SHPRH: variants seen among roughly 807,000 people sequenced by gnomAD.
SHPRH encodes SNF2 histone linker PHD RING helicase, also known as E3 ubiquitin-protein ligase SHPRH.
In SHPRH, 106 loss-of-function variants were observed where a neutral mutation model predicts 202.5. That is an observed-to-expected ratio of 0.52 (90% CI 0.45 to 0.62). SHPRH has a LOEUF of 0.62. SHPRH is among the 20% of genes least tolerant of loss of function. The probability of loss-of-function intolerance (pLI) is 0.00; values close to 1 mark genes in which losing one functional copy is unlikely to be tolerated. For synonymous variants in SHPRH, 729 were observed against 686.0 expected (o/e 1.06, Z -0.98); for missense variants, 1,710 against 2,020.0 (o/e 0.85, Z 2.94).
At position 145,921,316 on chromosome 6, in the gene SHPRH, T is replaced by C. The variant is rs1784410841; in HGVS notation, c.3859A>G (p.Thr1287Ala). The change falls in exon 21 of 30, where the codon ACC (threonine) becomes GCC (alanine). Residue 1287 changes from threonine to alanine, a missense_variant. Physicochemically the swap from Thr to Ala is moderately conservative, Grantham distance 58 (BLOSUM62 0). Around this residue, in one of 8 missense-constraint regions of SHPRH, gnomAD observed 306 missense variants for 479.5 expected, o/e 0.64. Coordinates refer to ENST00000275233, the MANE Select transcript of SHPRH (RefSeq NM_001042683.3). The stretch of plus-strand genomic sequence containing the variant: ...CTTATTGCCCAGAGACCCCGGGTGG[T>C]GGTAGGTGCTCGATCATCCACCAGT... ...EGLVDDRAPT[T>A]TRGLWAISET... is the part of the protein sequence containing the mutation. The C allele has an allele frequency of 6.2e-7, 1 of 1,612,848 alleles. No individual in the cohort carries two copies. Among genetic ancestry groups the C allele is most frequent in the Non-Finnish European group, 8.5e-7 (1 of 1,179,362 alleles).
chr6:145,928,656 T>C (rs897540091), intron 14 of SHPRH, among the ~76,000 whole-genome samples: 3 of 151,978 alleles, frequency 2.0e-5, no homozygotes, highest in African/African-American at 7.2e-5. Context: ...TCTCAGCCCT[T>C]TTTAAGTGTG....
At position 145,886,201 on chromosome 6, in the gene SHPRH, C is replaced by CA; in HGVS notation, c.*489dup. ...TGTAAAGTTATGGTATAAGCCTACT[C>CA]AAAAAATGGGTTAATATAATTCACC... is the stretch of plus-strand genomic sequence containing the variant. On this transcript the variant is annotated 3_prime_UTR_variant, in exon 30 of 30. Coordinates refer to ENST00000275233, the MANE Select transcript of SHPRH (RefSeq NM_001042683.3). 1 of 379,706 alleles carries CA rather than the reference C, an allele frequency of 2.6e-6. No homozygotes were observed. The highest frequency in any genetic ancestry group is 5.3e-5 in the South Asian group (1 of 18,824). 23.5% of individuals were successfully genotyped at this position (379,706 alleles called of 1,614,324 possible).
intron 19 of SHPRH, 140 bp from the exon 20 acceptor site, chr6:145,922,488 C>G: frequency 8.1e-7 from 1 of 1,234,914 alleles, no homozygotes; most frequent in Non-Finnish European, 1.1e-6. Flanking sequence ...CATGGTTTTT[C>G]ATACCTTGTC....
At chr6:145,954,667 A>G (rs200587028) in intron 2 of SHPRH, 23 bp downstream of exon 2, 355 of 1,539,394 alleles carry the variant, frequency 2.3e-4, no homozygotes, top group Non-Finnish European at 1.6e-4. Context: ...GCCTCAAAAA[A>G]GACACCACAA....
At chr6:145,900,122 TA>T (rs1204912020) in intron 25 of SHPRH, among the ~76,000 whole-genome samples, 2 of 152,110 alleles carry the variant, frequency 1.3e-5, no homozygotes. Flanking sequence ...AAAATAGAAC[TA>T]CCACACAATC....
At chr6:145,894,293 G>T in intron 26 of SHPRH, 57 bp from the exon 27 acceptor site, 1 of 1,294,078 alleles carries the variant, frequency 7.7e-7, no homozygotes, top group Non-Finnish European at 1.1e-6. Context: ...TTATCTAAGG[G>T]TATCTGAAAA....
chr6:145,912,399 T>C (rs1783575177), intron 24 of SHPRH, among the ~76,000 whole-genome samples: 1 of 152,110 alleles, frequency 6.6e-6, no homozygotes, highest in African/African-American at 2.4e-5. Flanking sequence ...AATGAACTAA[T>C]GTATATGAAA....
At chr6:145,913,064 A>G (rs963096982) in intron 24 of SHPRH, among the ~76,000 whole-genome samples, 2 of 152,124 alleles carry the variant, frequency 1.3e-5, no homozygotes, top group East Asian at 3.9e-4. Flanking sequence ...GTATTATGAG[A>G]CATTAATACT....
intron 25 of SHPRH, among the ~76,000 whole-genome samples, chr6:145,898,481 G>C (rs926276166): frequency 3.9e-5 from 6 of 152,114 alleles, no homozygotes; most frequent in African/African-American, 1.4e-4. Flanking sequence ...ATTTGAGTTT[G>C]TCCTCAGCAA....
At chr6:145,880,189 TAATA>T (rs1479552532), downstream of SHPRH, among the ~76,000 whole-genome samples, 4 of 152,180 alleles carry the variant, frequency 2.6e-5, no homozygotes, top group East Asian at 7.7e-4. Flanking sequence ...CTTCATGAGA[TAATA>T]AATTATTATT....
At chr6:145,931,088 T>C (rs992763715) in intron 14 of SHPRH, among the ~76,000 whole-genome samples, 1 of 152,164 alleles carries the variant, frequency 6.6e-6, no homozygotes, top group Non-Finnish European at 1.5e-5. Context: ...AGTGTTAACA[T>C]ATCTTTTTTC....
rs778220459 is a variant in SHPRH at position 145,950,353 on chromosome 6, G to A, written c.893C>T (p.Pro298Leu). The change falls in exon 4 of 30, where the codon CCT becomes CTT. Residue 298 changes from proline to leucine, a missense_variant. Pro to Leu is a moderately conservative substitution (Grantham distance 98). Coordinates refer to ENST00000275233, the MANE Select transcript of SHPRH (RefSeq NM_001042683.3). The part of the protein sequence containing the change: ...TQSIQVDVQH[P>L]ALIPVLRPYQ... ...GGGTCTCAACACAGGGATCAATGCA[G>A]GATGCTGGACATCCACTTGGATGGA... 1.9e-6 allele frequency: 3 copies of A among 1,613,224 alleles called. No homozygotes were observed. The Admixed American group carries it at 5.0e-5, about 27-fold the overall frequency.
At position 145,918,211 on chromosome 6, in the gene SHPRH, G is replaced by A; in HGVS notation, c.4174C>T (p.Leu1392=). ...PHEVEQNRIK[L]LNDKAVATSQ... is the part of the protein sequence containing the mutation. Reference sequence around the variant, plus strand: ...GTAGCAACAGCTTTATCATTTAGTAGTTTTATTCGGTTTTGTTCTACCTAA... The same window carrying A: ...GTAGCAACAGCTTTATCATTTAGTAATTTTATTCGGTTTTGTTCTACCTAA... Residue 1392 remains leucine, a synonymous_variant, in exon 23 of 30, where the codon CTA becomes TTA. Coordinates refer to ENST00000275233, the MANE Select transcript of SHPRH (RefSeq NM_001042683.3). 6.3e-7 allele frequency: 1 copy of A among 1,585,704 alleles called. No individual in the cohort carries two copies. The highest frequency in any genetic ancestry group is 8.6e-7 in the Non-Finnish European group (1 of 1,167,942).
Position 145,886,495 on chromosome 6 carries a change from A to G in SHPRH, c.*196T>C, listed in dbSNP as rs1272653449. The G allele has an allele frequency of 2.0e-6, 2 of 1,014,814 alleles. No homozygotes were observed. Among genetic ancestry groups the G allele is most frequent in the Non-Finnish European group, 3.0e-6 (2 of 662,098 alleles). 62.9% of individuals were successfully genotyped at this position (1,014,814 alleles called of 1,614,324 possible). A position where few individuals can be genotyped will look rare whatever the true frequency, so the allele number is the denominator to read the frequency against. On this transcript the variant is annotated 3_prime_UTR_variant, in exon 30 of 30. Coordinates refer to ENST00000275233, the MANE Select transcript of SHPRH (RefSeq NM_001042683.3). ...TAGGAGTGTAAAATTAAGAATCTTT[A>G]TAGATCTTTTGGAAACAGTATATTG...
At chr6:145,927,815 T>G (rs1220431531) in intron 14 of SHPRH, among the ~76,000 whole-genome samples, 1 of 152,014 alleles carries the variant, frequency 6.6e-6, no homozygotes, top group African/African-American at 2.4e-5. Context: ...AAAAACTTCA[T>G]GTCAGAAACT....
chr6:145,923,716 GCTC>G lies in SHPRH; in HGVS notation c.3469_3471del (p.Glu1157del). The G allele has an allele frequency of 1.2e-6, 2 of 1,611,974 alleles. No homozygotes were observed. Among genetic ancestry groups the G allele is most frequent in the Non-Finnish European group, 1.7e-6 (2 of 1,178,738 alleles). The stretch of plus-strand genomic sequence containing the variant: ...ATTTCATTTCGCACTCGCTGAACTA[GCTC>G]CTCATCAATAGTAAATTCTATTGCT... On this transcript the variant is annotated inframe_deletion, in exon 18 of 30. Coordinates refer to ENST00000275233, the MANE Select transcript of SHPRH (RefSeq NM_001042683.3).
intron 28 of SHPRH, among the ~76,000 whole-genome samples, chr6:145,892,959 G>A (rs1017623422): frequency 6.6e-6 from 1 of 151,682 alleles, no homozygotes; most frequent in Non-Finnish European, 1.5e-5. Flanking sequence ...TTTTGTGGGA[G>A]GGAAGAAAAA....
At chr6:145,867,629 T>TAGAGAGAGAG (rs1269534768) in intron 2 of SHPRH, among the ~76,000 whole-genome samples, 54 of 43,900 alleles carry the variant, frequency 1.2e-3, no homozygotes, top group Non-Finnish European at 1.8e-3. Flanking sequence ...TATATATATA[T>TAGAGAGAGAG]ATAGAGAGAG....
chr6:145,869,364 A>G (rs1779949795), intron 2 of SHPRH, among the ~76,000 whole-genome samples: 1 of 152,196 alleles, frequency 6.6e-6, no homozygotes, highest in Non-Finnish European at 1.5e-5. Context: ...TAGCTTATCA[A>G]TTCTGTTTTG....
Sources: gnomAD v4.1 joint callset for allele counts (sites outside exome capture counted in the v4.1 genomes callset) on GRCh38, gnomAD v4.1.1 for gene constraint, gnomAD v4.1.1 regional missense constraint, MANE v1.5 for transcripts, NCBI Gene and HGNC (gene_info 2026-07-23, HGNC 2026-07-21) for gene names.